Variants in ULBP3 observed in about 807,000 individuals in gnomAD.
The protein encoded by ULBP3 is UL16 binding protein 3, also known as UL16-binding protein 3.
ULBP3 carries 25 observed loss-of-function variants against 24.9 expected under a neutral mutation model. The observed-to-expected ratio is 1.00, with a 90% CI of 0.73 to 1.40. The LOEUF is 1.40. Ranked by LOEUF, ULBP3 falls within the 40% of genes most tolerant of loss-of-function variation. The pLI is 0.00. For synonymous variants in ULBP3, 114 were observed against 114.7 expected (o/e 0.99, Z 0.04); for missense variants, 306 against 307.5 (o/e 1.00, Z 0.04).
At position 150,061,077 on chromosome 6, in the gene ULBP3, T is replaced by G. The variant is rs1776269322; in HGVS notation, c.*2297A>C. Among the ~76,000 whole-genome samples, 1 of 151,894 alleles carries G rather than the reference T, an allele frequency of 6.6e-6. No individual in the cohort carries two copies. Among genetic ancestry groups the G allele is most frequent in the African/African-American group, 2.4e-5 (1 of 41,306 alleles). The stretch of plus-strand genomic sequence containing the variant: ...ATAATTTCATTATGCAGTGTTTAAT[T>G]TTAGGGTTTGGCACTTTCACGTATA... On this transcript the variant is annotated 3_prime_UTR_variant, in exon 5 of 5. Coordinates refer to ENST00000367339, the MANE Select transcript of ULBP3 (RefSeq NM_024518.3).
chr6:150,063,715 G>A (rs1252439446), intron 4 of ULBP3, among the ~76,000 whole-genome samples: 1 of 152,216 alleles, frequency 6.6e-6, no homozygotes, highest in East Asian at 1.9e-4. Flanking sequence ...GGGTGGGTTT[G>A]TAGGCAAACC....
intron 3 of ULBP3, 128 bp from the exon 4 acceptor site, chr6:150,064,841 C>T (rs912557): frequency 0.37 from 344,826 of 932,270 alleles, 65,656 homozygotes; most frequent in South Asian, 0.45. Flanking sequence ...GTGGGGCAGC[C>T]GCTGTGACAG....
intron 4 of ULBP3, 66 bp downstream of exon 4, chr6:150,064,519 C>T (rs1461841190): frequency 1.4e-6 from 2 of 1,440,638 alleles, no homozygotes; most frequent in Non-Finnish European, 1.9e-6. Flanking sequence ...TCTGGAAATT[C>T]TCCTTTCCCT....
At position 150,068,457 on chromosome 6, in the gene ULBP3, G is replaced by A. The variant is rs577692986; in HGVS notation, c.88+522C>T. On this transcript the variant is annotated intron_variant, in intron 1 of 4. Transcript: ENST00000367339. ...TTTCAGGTTTCTCTTTTACTTGCAG[G>A]TTGCCATTGCCTGCTGTTGCTCTAC... Among the ~76,000 whole-genome samples, 17 of 152,318 alleles carry A rather than the reference G, an allele frequency of 1.1e-4. No individual in the cohort carries two copies. In the South Asian group the frequency reaches 2.1e-3, roughly 19 times the overall value.
chr6:150,065,996 T>C lies in ULBP3; in HGVS notation c.255A>G (p.Thr85=), dbSNP rs1776340745. The change falls in exon 2 of 5, where the codon ACA becomes ACG. Residue 85 remains threonine, a synonymous_variant. Transcript: ENST00000367339. ...MGHLEEQLYA[T]DAWGKQLEML... is the part of the protein sequence containing the mutation. ...TTTCCAGTTGTTTTCCCCAGGCATCTGTGGCATACAGCTGCTCTTCTAGGT... is the reference window on the plus strand; with the variant it reads ...TTTCCAGTTGTTTTCCCCAGGCATCCGTGGCATACAGCTGCTCTTCTAGGT... 2 of 1,614,110 alleles carry C rather than the reference T, an allele frequency of 1.2e-6. No homozygotes were observed. The highest frequency in any genetic ancestry group is 1.7e-5 in the Admixed American group (1 of 60,010).
At chr6:150,065,260 C>A in intron 3 of ULBP3, 138 bp downstream of exon 3, 1 of 1,245,158 alleles carries the variant, frequency 8.0e-7, no homozygotes, top group Non-Finnish European at 1.1e-6. Context: ...CACTCAAACA[C>A]ACACTCACAC....
At position 150,065,732 on chromosome 6, in the gene ULBP3, A is replaced by T. The variant is rs558845393; in HGVS notation, c.353-59T>A. 3 of 1,598,300 alleles carry T rather than the reference A, an allele frequency of 1.9e-6. No homozygotes were observed. The South Asian group carries it at 3.4e-5, about 18-fold the overall frequency. On this transcript the variant is annotated intron_variant, in intron 2 of 4. Transcript: ENST00000367339. ...TTACAAATTCTCTTCCCTGTCCCAC[A>T]TCCTCCTATGCTGAGACCATTCTCA... is the stretch of plus-strand genomic sequence containing the variant.
chr6:150,064,593 C>T lies in ULBP3; in HGVS notation c.*14G>A, dbSNP rs1488030049. ...AGTTTTGCCCACAGTACCTGTCACT[C>T]TAAATGACTCTTCTCAGATGCCAGG... On this transcript the variant is annotated 3_prime_UTR_variant, in exon 4 of 5. Coordinates refer to ENST00000367339, the MANE Select transcript of ULBP3 (RefSeq NM_024518.3). 3 of 1,613,634 alleles carry T rather than the reference C, an allele frequency of 1.9e-6. No homozygotes were observed. The highest frequency in any genetic ancestry group is 1.1e-5 in the South Asian group (1 of 91,074).
Position 150,065,987 on chromosome 6 carries a change from C to G in ULBP3, c.264G>C (p.Trp88Cys). 1 of 1,614,226 alleles carries G rather than the reference C, an allele frequency of 6.2e-7. No homozygotes were observed. Among genetic ancestry groups the G allele is most frequent in the South Asian group, 1.1e-5 (1 of 91,082 alleles). ...CTCTCAGCATTTCCAGTTGTTTTCC[C>G]CAGGCATCTGTGGCATACAGCTGCT... ...LEEQLYATDA[W>C]GKQLEMLREV... The change falls in exon 2 of 5, where the codon TGG becomes TGC. Residue 88 changes from tryptophan (W) to cysteine (C), a missense_variant. Transcript: ENST00000367339.
intron 2 of ULBP3, 58 bp downstream of exon 2, chr6:150,065,841 C>T (rs1267212294): frequency 6.3e-7 from 1 of 1,599,614 alleles, no homozygotes; most frequent in Admixed American, 1.7e-5. Flanking sequence ...TCCCCACACA[C>T]AGAACAGCCC....
chr6:150,068,248 G>C (rs778229887), intron 1 of ULBP3, among the ~76,000 whole-genome samples: 57 of 152,228 alleles, frequency 3.7e-4, no homozygotes, highest in Admixed American at 7.2e-4. Context: ...AGTAGGCCCC[G>C]AACCATGGGA....
rs1776394383 is a variant in ULBP3 at position 150,069,113 on chromosome 6, C to G, written c.-47G>C. ...ACACAAGGCGCAGTCGATGTGGAGACCAGCGTATGAATCACTTCGGCCCTC... is the reference window on the plus strand; with the variant it reads ...ACACAAGGCGCAGTCGATGTGGAGAGCAGCGTATGAATCACTTCGGCCCTC... On this transcript the variant is annotated 5_prime_UTR_variant, in exon 1 of 5. Coordinates refer to ENST00000367339, the MANE Select transcript of ULBP3 (RefSeq NM_024518.3). The G allele has an allele frequency of 2.5e-6, 4 of 1,585,192 alleles. No individual in the cohort carries two copies. Among genetic ancestry groups the G allele is most frequent in the South Asian group, 1.2e-5 (1 of 86,754 alleles).
At position 150,065,523 on chromosome 6, in the gene ULBP3, C is replaced by A. The variant is rs373258012; in HGVS notation, c.503G>T (p.Arg168Leu). Residue 168 changes from arginine (R) to leucine (L), a missense_variant, in exon 3 of 5, where the codon CGG becomes CTG. Transcript: ENST00000367339. The part of the protein sequence containing the change: ...KWTVVHAGAR[R>L]MKEKWEKDSG... ...ATCCTTCTCCCACTTCTCTTTCATCCGCCTGGCTCCAGCGTGAACCACTGT... is the reference window on the plus strand; with the variant it reads ...ATCCTTCTCCCACTTCTCTTTCATCAGCCTGGCTCCAGCGTGAACCACTGT... The A allele has an allele frequency of 6.2e-7, 1 of 1,614,160 alleles. No homozygotes were observed. The highest frequency in any genetic ancestry group is 8.5e-7 in the Non-Finnish European group (1 of 1,180,032).
At position 150,064,631 on chromosome 6, in the gene ULBP3, G is replaced by A; in HGVS notation, c.711C>T (p.Leu237=). ...CTCAGATGCCAGGGAGGATGAAGCA[G>A]AGGATGATGAGGAAGCTCCAGGGAC... ...TLSPWSFLII[L]CFILPGI Residue 237 remains leucine, a synonymous_variant, in exon 4 of 5, where the codon CTC becomes CTT. Coordinates refer to ENST00000367339, the MANE Select transcript of ULBP3 (RefSeq NM_024518.3). 1.9e-6 allele frequency: 3 copies of A among 1,614,128 alleles called. No homozygotes were observed. The highest frequency in any genetic ancestry group is 2.5e-6 in the Non-Finnish European group (3 of 1,179,970).
intron 1 of ULBP3, among the ~76,000 whole-genome samples, chr6:150,067,734 C>A (rs1776368087): frequency 6.6e-6 from 1 of 152,184 alleles, no homozygotes; most frequent in South Asian, 2.1e-4. Context: ...CCTGCCACTA[C>A]AGCTATTTGA....
chr6:150,066,170 A>G lies in ULBP3; in HGVS notation c.89-8T>C. The G allele has an allele frequency of 6.3e-7, 1 of 1,596,358 alleles. No individual in the cohort carries two copies. The highest frequency in any genetic ancestry group is 8.5e-7 in the Non-Finnish European group (1 of 1,171,128). ...ACCAGAGAGAGTGAGCGTCTAAGGA[A>G]AAAAAAAAAAAACACCAGAGAGTGT... On this transcript the variant is annotated splice_region_variant and splice_polypyrimidine_tract_variant and intron_variant, in intron 1 of 4. Transcript: ENST00000367339.
Position 150,066,151 on chromosome 6 carries a change from G to C in ULBP3, c.100C>G (p.Leu34Val). The part of the protein sequence containing the change: ...SGTGRADAHS[L>V]WYNFTIIHLP... ...TGAATGATGGTGAAGTTATACCAGA[G>C]AGAGTGAGCGTCTAAGGAAAAAAAA... Residue 34 changes from leucine to valine, a missense_variant, in exon 2 of 5, where the codon CTC becomes GTC. Transcript: ENST00000367339. 1 of 1,613,500 alleles carries C rather than the reference G, an allele frequency of 6.2e-7. No homozygotes were observed. The highest frequency in any genetic ancestry group is 8.5e-7 in the Non-Finnish European group (1 of 1,179,870).
intron 1 of ULBP3, among the ~76,000 whole-genome samples, chr6:150,066,364 G>A (rs565394536): frequency 3.3e-5 from 5 of 152,106 alleles, no homozygotes; most frequent in Non-Finnish European, 7.3e-5. Context: ...ACTCACATCC[G>A]TCAGCACAGG....
At chr6:150,064,476 C>T (rs1266387961) in intron 4 of ULBP3, 109 bp downstream of exon 4, 19 of 992,874 alleles carry the variant, frequency 1.9e-5, no homozygotes, top group Non-Finnish European at 2.5e-5. Flanking sequence ...CATGTCAGAA[C>T]GAGAAGGTCC....
Sources: gnomAD v4.1 joint callset for allele counts (sites outside exome capture counted in the v4.1 genomes callset) on GRCh38, gnomAD v4.1.1 for gene constraint, MANE v1.5 for transcripts, NCBI Gene and HGNC (gene_info 2026-07-23, HGNC 2026-07-21) for gene names.